Variants in RCC2 observed in about 807,000 individuals in gnomAD.
The protein encoded by RCC2 is regulator of chromosome condensation 2.
RCC2 carries 19 observed loss-of-function variants against 64.1 expected under a neutral mutation model. The observed-to-expected ratio is 0.30, with a 90% CI of 0.21 to 0.44. RCC2 has a LOEUF of 0.44. Ranked by LOEUF, RCC2 falls within the 20% of genes least tolerant of loss-of-function variation. The probability of loss-of-function intolerance (pLI) is 1.00; values close to 1 mark genes in which losing one functional copy is unlikely to be tolerated. For missense variants in RCC2, 508 were observed against 710.4 expected (o/e 0.72, Z 3.24); for synonymous variants, 325 against 279.6 (o/e 1.16, Z -1.62).
intron 11 of RCC2, 91 bp downstream of exon 11, chr1:17,412,031 G>T: frequency 9.0e-7 from 1 of 1,113,486 alleles, no homozygotes; most frequent in Non-Finnish European, 1.4e-6. Flanking sequence ...TTTCTTCTGT[G>T]TGTTTTGGGA....
rs372464208 is a variant in RCC2, at chr1:17,420,838, C to T, written c.745-10G>A. 35 of 1,559,630 alleles carry T rather than the reference C, an allele frequency of 2.2e-5. 1 individual carries two copies. In the South Asian group the frequency reaches 2.3e-4, roughly 10 times the overall value. On this transcript the variant is annotated splice_polypyrimidine_tract_variant and intron_variant, in intron 6 of 12. Coordinates refer to ENST00000375436, the MANE Select transcript of RCC2 (RefSeq NM_018715.4). ...GGCCGTTGTACATTATCTGAAAAGA[C>T]AAGAAAGGAGACTTTCATTTTTTTT...
intron 2 of RCC2, among the ~76,000 whole-genome samples, chr1:17,431,603 T>C (rs1305127576): frequency 6.6e-6 from 1 of 151,340 alleles, no homozygotes; most frequent in Non-Finnish European, 1.5e-5. Context: ...GGGTATGCTT[T>C]GGCAGTACGG....
At chr1:17,420,104 A>C (rs1227647435) in intron 7 of RCC2, among the ~76,000 whole-genome samples, 1 of 152,176 alleles carries the variant, frequency 6.6e-6, no homozygotes. Flanking sequence ...CGGGAAGCGC[A>C]CTTCAGGGAA....
At chr1:17,437,821 C>G (rs567295072) in intron 2 of RCC2, among the ~76,000 whole-genome samples, 1 of 144,692 alleles carries the variant, frequency 6.9e-6, no homozygotes, top group South Asian at 2.1e-4. Context: ...CGGCCACGGA[C>G]GTGTGGGGCC....
At chr1:17,424,075 G>C (rs1214621047) in intron 4 of RCC2, among the ~76,000 whole-genome samples, 4 of 152,226 alleles carry the variant, frequency 2.6e-5, no homozygotes, top group Non-Finnish European at 2.9e-5. Context: ...AGAGCAACAA[G>C]TGCAAGTCTC....
intron 2 of RCC2, among the ~76,000 whole-genome samples, chr1:17,433,549 C>A (rs534343284): frequency 2.0e-4 from 30 of 152,172 alleles, no homozygotes; most frequent in Middle Eastern, 3.2e-3. Context: ...TGTCTGCGAC[C>A]CTGCTTGTGT....
intron 2 of RCC2, among the ~76,000 whole-genome samples, chr1:17,431,192 G>A (rs1156905167): frequency 6.7e-6 from 1 of 149,498 alleles, no homozygotes; most frequent in African/African-American, 2.5e-5. Context: ...AAATTAGCCG[G>A]GCATGGTGAC....
chr1:17,437,953 G>C (rs930570300), intron 2 of RCC2, among the ~76,000 whole-genome samples: 3 of 145,406 alleles, frequency 2.1e-5, no homozygotes, highest in African/African-American at 7.4e-5. Context: ...GCGGGCTTCG[G>C]CCGCCCCTCC....
intron 1 of RCC2, 79 bp from the exon 2 acceptor site, chr1:17,438,601 C>T (rs1014602170): frequency 2.0e-5 from 25 of 1,238,562 alleles, no homozygotes; most frequent in Non-Finnish European, 2.4e-5. Flanking sequence ...AGACGAGCCA[C>T]CCGGCCTCCA....
chr1:17,428,998 T>A (rs769008939), intron 3 of RCC2, 108 bp downstream of exon 3: 16 of 862,240 alleles, frequency 1.9e-5, no homozygotes, highest in Non-Finnish European at 2.7e-5. Context: ...TCACTTGGCC[T>A]CTGTGAAAAT....
At chr1:17,434,467 C>G (rs938474796) in intron 2 of RCC2, among the ~76,000 whole-genome samples, 1 of 152,232 alleles carries the variant, frequency 6.6e-6, no homozygotes, top group East Asian at 1.9e-4. Flanking sequence ...CCTTCTGCCA[C>G]ATCTAGCCTT....
At position 17,409,257 on chromosome 1, in the gene RCC2, G is replaced by C. The variant is rs146445535; in HGVS notation, c.1465-63C>G. 769 of 1,068,838 alleles carry C rather than the reference G, an allele frequency of 7.2e-4. 2 individuals are homozygous for C. In the African/African-American group the frequency reaches 0.01, roughly 15 times the overall value. The allele number at this position is 1,068,838 out of a possible 1,614,324, so 66.2% of individuals were successfully genotyped here. A position where few individuals can be genotyped will look rare whatever the true frequency, so the allele number is the denominator to read the frequency against. ...CCTGGACTAATCAATGCGTTGAAGA[G>C]ACTCTGGAAACTGGGCTGCTAAAGC... On this transcript the variant is annotated intron_variant, in intron 12 of 12. Coordinates refer to ENST00000375436, the MANE Select transcript of RCC2 (RefSeq NM_018715.4).
Position 17,438,293 on chromosome 1 carries a change from T to C in RCC2, c.222A>G (p.Thr74=), listed in dbSNP as rs766362916. Residue 74 remains threonine, a synonymous_variant, in exon 2 of 13, where the codon ACA becomes ACG. Transcript: ENST00000375436. ...CGGCCGCGCCGCCCGCCTTGCCTGC[T>C]GTCGCCGGCCGCGCCGCGCGCTTGC... ...GGGKRAARPA[T]AGKAGGAAVV... 2.5e-5 allele frequency: 32 copies of C among 1,272,206 alleles called. No homozygotes were observed. The South Asian group carries it at 3.3e-4, about 13-fold the overall frequency. 78.8% of individuals were successfully genotyped at this position (1,272,206 alleles called of 1,614,324 possible).
At chr1:17,414,456 G>C (rs2075458868) in intron 8 of RCC2, among the ~76,000 whole-genome samples, 1 of 151,360 alleles carries the variant, frequency 6.6e-6, no homozygotes, top group Admixed American at 6.6e-5. Flanking sequence ...CTTGAACCTG[G>C]GAGGCGGAGG....
intron 7 of RCC2, among the ~76,000 whole-genome samples, chr1:17,420,428 T>A (rs2075543718): frequency 6.6e-6 from 1 of 152,230 alleles, no homozygotes; most frequent in South Asian, 2.1e-4. Context: ...GATTTTTTTT[T>A]AACTTTGAAA....
chr1:17,422,000 G>A (rs181665264), intron 6 of RCC2, among the ~76,000 whole-genome samples: 116 of 152,082 alleles, frequency 7.6e-4, no homozygotes, highest in African/African-American at 2.7e-3. Context: ...ACTCCAGCCT[G>A]GGCAAAAAGA....
intron 4 of RCC2, among the ~76,000 whole-genome samples, chr1:17,423,628 C>A (rs2075580862): frequency 6.6e-6 from 1 of 152,270 alleles, no homozygotes; most frequent in Admixed American, 6.5e-5. Flanking sequence ...GGAGCCCCTA[C>A]ACCGCATCTA....
intron 7 of RCC2, among the ~76,000 whole-genome samples, chr1:17,418,642 C>T (rs1410541209): frequency 6.6e-6 from 1 of 151,970 alleles, no homozygotes; most frequent in Non-Finnish European, 1.5e-5. Context: ...GGTGACAGAG[C>T]AAGACTCCGT....
chr1:17,419,887 T>C (rs1220199559), intron 7 of RCC2, among the ~76,000 whole-genome samples: 1 of 152,212 alleles, frequency 6.6e-6, no homozygotes, highest in Non-Finnish European at 1.5e-5. Context: ...GGGGCTGTTC[T>C]CTCTTATTCA....
Sources: allele counts gnomAD v4.1 joint callset (sites outside exome capture counted in the v4.1 genomes callset), GRCh38; gene constraint gnomAD v4.1.1; transcripts MANE v1.5; gene names NCBI Gene and HGNC (gene_info 2026-07-23, HGNC 2026-07-21).